The following MYRIP variants were observed in gnomAD, a reference collection of about 807,000 sequenced individuals.
The protein encoded by MYRIP is rab effector MyRIP.
Under a neutral mutation model 98.0 loss-of-function variants are expected in MYRIP, and 49 were observed. The observed-to-expected ratio is 0.50, with a 90% confidence interval of 0.40 to 0.63. The LOEUF is 0.63. Ranked by LOEUF, MYRIP falls within the 30% of genes least tolerant of loss-of-function variation. The pLI is 0.00. For missense variants in MYRIP, 1,004 were observed against 1,058.2 expected, an observed-to-expected ratio of 0.95 and a Z score of 0.71; for synonymous variants, 404 against 409.5, an observed-to-expected ratio of 0.99 and a Z score of 0.16.
At chr3:39,847,907 A>G (rs1942017094) in intron 1 of MYRIP, among the ~76,000 whole-genome samples, 1 of 152,168 alleles carries the variant, frequency 6.6e-6, no homozygotes, top group South Asian at 2.1e-4. Flanking sequence ...TATGTTTATG[A>G]GTAAACCTGG....
intron 3 of MYRIP, among the ~76,000 whole-genome samples, chr3:40,078,893 G>A (rs185478362): frequency 6.6e-6 from 1 of 152,238 alleles, no homozygotes; most frequent in Admixed American, 6.5e-5. Context: ...AACATGATTT[G>A]GAGTTCTTTT....
intron 11 of MYRIP, among the ~76,000 whole-genome samples, chr3:40,232,429 C>T (rs551258509): frequency 6.6e-6 from 1 of 152,276 alleles, no homozygotes; most frequent in East Asian, 1.9e-4. Context: ...TCTAGTGAGA[C>T]AAAACCTAAA....
chr3:40,111,262 G>A (rs1559405078), intron 3 of MYRIP, among the ~76,000 whole-genome samples: 1 of 152,120 alleles, frequency 6.6e-6, no homozygotes, highest in South Asian at 2.1e-4. Flanking sequence ...TGGTAGCTTC[G>A]AGACCAGATC....
chr3:40,244,053 A>T (rs777558123), intron 12 of MYRIP, among the ~76,000 whole-genome samples: 5 of 152,056 alleles, frequency 3.3e-5, no homozygotes, highest in Non-Finnish European at 5.9e-5. Context: ...TTTTTTTCTC[A>T]ATTACTAAAT....
In MYRIP at chr3:39,874,995, A is replaced by G. The variant is rs1286680622; in HGVS notation, c.-30-25792A>G. On this transcript the variant is annotated intron_variant, in intron 1 of 16. Coordinates refer to ENST00000302541, the MANE Select transcript of MYRIP (RefSeq NM_015460.4). ...CTGGACTCTTTTTGGTTGGTAAGCT[A>G]TTGATTATTGCCACAATTTCGGATA... is the stretch of plus-strand genomic sequence containing the variant. 5.9e-5 allele frequency among the ~76,000 whole-genome samples: 9 copies of G among 152,132 alleles called. No homozygotes were observed. The South Asian group carries it at 6.2e-4, about 11-fold the overall frequency.
At chr3:40,009,404 T>C (rs750473315) in intron 2 of MYRIP, among the ~76,000 whole-genome samples, 1 of 151,984 alleles carries the variant, frequency 6.6e-6, no homozygotes, top group Non-Finnish European at 1.5e-5. Context: ...ACCTGGCTAA[T>C]TTTTTGTATT....
At chr3:40,002,865 TAA>T (rs1004913327) in intron 2 of MYRIP, among the ~76,000 whole-genome samples, 51 of 151,740 alleles carry the variant, frequency 3.4e-4, no homozygotes, top group East Asian at 9.6e-4. Flanking sequence ...TACAAATATA[TAA>T]GTGTCTATAT....
chr3:39,920,307 A>T (rs1486928345), intron 2 of MYRIP, among the ~76,000 whole-genome samples: 1 of 152,104 alleles, frequency 6.6e-6, no homozygotes, highest in Non-Finnish European at 1.5e-5. Flanking sequence ...GGCTTTTCCT[A>T]AGGTAAGGTA....
At chr3:39,851,659 A>G (rs897100248) in intron 1 of MYRIP, among the ~76,000 whole-genome samples, 1 of 152,110 alleles carries the variant, frequency 6.6e-6, no homozygotes, top group Non-Finnish European at 1.5e-5. Context: ...GGATAATTAG[A>G]TCTCCCTCAC....
At chr3:40,042,846 C>T (rs764544668) in intron 2 of MYRIP, among the ~76,000 whole-genome samples, 1 of 152,162 alleles carries the variant, frequency 6.6e-6, no homozygotes, top group African/African-American at 2.4e-5. Context: ...ACCTAACCTA[C>T]TGAACATCAC....
chr3:40,193,395 T>A (rs761695929), intron 10 of MYRIP, among the ~76,000 whole-genome samples: 4 of 152,232 alleles, frequency 2.6e-5, no homozygotes, highest in Non-Finnish European at 5.9e-5. Flanking sequence ...TTCCAACACC[T>A]AACTCCTTAA....
In MYRIP at chr3:40,160,596, G is replaced by A. The variant is rs1033852018; in HGVS notation, c.470-2134G>A. Among the ~76,000 whole-genome samples the A allele has an allele frequency of 4.2e-4, 64 of 152,080 alleles. No homozygotes were observed. In the South Asian group the frequency reaches 0.011, roughly 25 times the overall value. ...TGGCGGGCGCCCCTCCCCCAGCCTC[G>A]CTGCCACCTTGCAGTTTGATCTCAG... On this transcript the variant is annotated intron_variant, in intron 4 of 16. Coordinates refer to ENST00000302541, the MANE Select transcript of MYRIP (RefSeq NM_015460.4).
intron 1 of MYRIP, among the ~76,000 whole-genome samples, chr3:39,887,030 G>A (rs1163085499): frequency 6.6e-6 from 1 of 151,820 alleles, no homozygotes; most frequent in Non-Finnish European, 1.5e-5. Flanking sequence ...TCAGGATTAA[G>A]AATCTCACTC....
chr3:40,195,096 G>T (rs1308339598), intron 10 of MYRIP, among the ~76,000 whole-genome samples: 3 of 152,072 alleles, frequency 2.0e-5, no homozygotes, highest in African/African-American at 7.2e-5. Context: ...ATGACATCTG[G>T]CACCTTGCCT....
chr3:40,117,407 C>T (rs181323372), intron 3 of MYRIP, among the ~76,000 whole-genome samples: 6 of 152,234 alleles, frequency 3.9e-5, no homozygotes, highest in East Asian at 1.9e-4. Flanking sequence ...AAAGCTCTTG[C>T]CCTCTGTAGC....
intron 11 of MYRIP, among the ~76,000 whole-genome samples, chr3:40,229,380 GTT>G (rs1262470855): frequency 1.3e-5 from 2 of 152,204 alleles, no homozygotes; most frequent in Non-Finnish European, 2.9e-5. Flanking sequence ...AAACGATAGA[GTT>G]GAGATGAATT....
intron 2 of MYRIP, among the ~76,000 whole-genome samples, chr3:39,929,228 ATAAAC>A (rs1944488201): frequency 6.6e-6 from 1 of 152,056 alleles, no homozygotes; most frequent in Non-Finnish European, 1.5e-5. Context: ...ATATGCTGAA[ATAAAC>A]TAAAGATCTA....
chr3:39,992,933 T>C (rs1946215848), intron 2 of MYRIP, among the ~76,000 whole-genome samples: 1 of 152,210 alleles, frequency 6.6e-6, no homozygotes, highest in Non-Finnish European at 1.5e-5. Context: ...CCCCTTCTTG[T>C]TCTGTCTTCT....
rs180917080 is a variant in MYRIP, at chr3:39,859,658, A to G, written c.-30-41129A>G. 5.0e-3 allele frequency among the ~76,000 whole-genome samples: 768 copies of G among 152,350 alleles called. 7 individuals are homozygous for G. Among genetic ancestry groups the G allele is most frequent in the Non-Finnish European group, 4.4e-3 (296 of 68,028 alleles). ...CAACTTAACAGCAATTAGAAGTATCATACACTATGGTTAAGCATGTCAAGG... is the reference window on the plus strand; with the variant it reads ...CAACTTAACAGCAATTAGAAGTATCGTACACTATGGTTAAGCATGTCAAGG... On this transcript the variant is annotated intron_variant, in intron 1 of 16. Coordinates refer to ENST00000302541, the MANE Select transcript of MYRIP (RefSeq NM_015460.4).
Sources: allele counts gnomAD v4.1 joint callset (sites outside exome capture counted in the v4.1 genomes callset), GRCh38; gene constraint gnomAD v4.1.1; transcripts MANE v1.5; gene names NCBI Gene and HGNC (gene_info 2026-07-23, HGNC 2026-07-21).